CPD: variants seen among roughly 807,000 people sequenced by gnomAD.
CPD encodes the protein metallocarboxypeptidase D.
A neutral mutation model predicts 138.3 loss-of-function variants in CPD; 69 were observed. That is an observed-to-expected ratio of 0.50 (90% CI 0.41 to 0.61). CPD has a LOEUF of 0.61. Ranked by LOEUF, CPD falls within the 20% of genes least tolerant of loss-of-function variation. CPD has a pLI of 0.00. For missense variants in CPD, 1,432 were observed against 1,733.3 expected, an observed-to-expected ratio of 0.83 and a Z score of 3.09; for synonymous variants, 651 against 642.1, an observed-to-expected ratio of 1.01 and a Z score of -0.21.
At chr17:30,413,307 AT>A (rs1912016595) in intron 2 of CPD, among the ~76,000 whole-genome samples, 1 of 152,232 alleles carries the variant, frequency 6.6e-6, no homozygotes, top group African/African-American at 2.4e-5. Flanking sequence ...TAATATCATA[AT>A]GACTAAATAT....
At chr17:30,438,928 A>G in intron 8 of CPD, 47 bp from the exon 9 acceptor site, 1 of 1,125,872 alleles carries the variant, frequency 8.9e-7, no homozygotes, top group Non-Finnish European at 1.3e-6. Context: ...TTTTTTTTTG[A>G]TGGAGATACA....
chr17:30,399,307 T>C (rs1911590064), intron 2 of CPD, among the ~76,000 whole-genome samples: 1 of 152,110 alleles, frequency 6.6e-6, no homozygotes, highest in Non-Finnish European at 1.5e-5. Flanking sequence ...GGGTGGGGTA[T>C]AGTATAAATA....
intron 2 of CPD, among the ~76,000 whole-genome samples, chr17:30,406,359 T>C (rs183754195): frequency 3.4e-4 from 52 of 152,276 alleles, no homozygotes; most frequent in Middle Eastern, 6.8e-3. Flanking sequence ...ATATTTATAT[T>C]ATATGCTCTG....
At chr17:30,423,436 G>A in intron 5 of CPD, 70 bp from the exon 6 acceptor site, 1 of 1,185,020 alleles carries the variant, frequency 8.4e-7, no homozygotes, top group South Asian at 1.9e-5. Flanking sequence ...TATATATGTT[G>A]CGGAAAAAAA....
chr17:30,396,757 C>A (rs1422043167), intron 2 of CPD, among the ~76,000 whole-genome samples: 3 of 152,144 alleles, frequency 2.0e-5, no homozygotes, highest in Admixed American at 2.0e-4. Flanking sequence ...CACTTTGAGT[C>A]TTGTTCTTTG....
rs889401879 is a variant in CPD at position 30,469,670 on chromosome 17, A to G, written c.*4856A>G. 2 of 152,220 alleles carry G rather than the reference A, an allele frequency of 1.3e-5. No individual in the cohort carries two copies. Among genetic ancestry groups the G allele is most frequent in the Non-Finnish European group, 2.9e-5 (2 of 68,044 alleles). 9.4% of individuals were successfully genotyped at this position (152,220 alleles called of 1,614,324 possible). On this transcript the variant is annotated 3_prime_UTR_variant, in exon 21 of 21. Transcript: ENST00000225719. ...AAGAAATTTTTTATTATGTGGTTCAATAGATTGTCTAAAGCATGGCAGTAA... is the reference window on the plus strand; with the variant it reads ...AAGAAATTTTTTATTATGTGGTTCAGTAGATTGTCTAAAGCATGGCAGTAA...
In CPD at chr17:30,469,753, T is replaced by C. The variant is rs1913736254; in HGVS notation, c.*4939T>C. ...TTTTTAAATGAAATTAAGTTGTATT[T>C]ATGCTTCTTTAGTGAAAACAACGTT... On this transcript the variant is annotated 3_prime_UTR_variant, in exon 21 of 21. Coordinates refer to ENST00000225719, the MANE Select transcript of CPD (RefSeq NM_001304.5). 6.6e-6 allele frequency: 1 copy of C among 152,240 alleles called. No individual in the cohort carries two copies. Among genetic ancestry groups the C allele is most frequent in the African/African-American group, 2.4e-5 (1 of 41,472 alleles). 9.4% of individuals were successfully genotyped at this position (152,240 alleles called of 1,614,324 possible). A position where few individuals can be genotyped will look rare whatever the true frequency, so the allele number is the denominator to read the frequency against.
chr17:30,389,893 T>G (rs994454768), intron 2 of CPD, among the ~76,000 whole-genome samples: 41 of 152,356 alleles, frequency 2.7e-4, no homozygotes, highest in African/African-American at 9.4e-4. Flanking sequence ...ATTGAGCAGT[T>G]TCCCCTTGAA....
At chr17:30,452,159 A>T (rs2143490379) in intron 14 of CPD, among the ~76,000 whole-genome samples, 1 of 152,322 alleles carries the variant, frequency 6.6e-6, no homozygotes, top group East Asian at 1.9e-4. Context: ...CGCACAACAC[A>T]CACGTATGTA....
chr17:30,464,465 T>C (rs1913577963), intron 20 of CPD, 123 bp from the exon 21 acceptor site: 1 of 721,906 alleles, frequency 1.4e-6, no homozygotes, highest in African/African-American at 1.8e-5. Context: ...AAGGTTGTTC[T>C]TAAGTGCATG....
At position 30,456,453 on chromosome 17, in the gene CPD, C is replaced by T. The variant is rs1373276821; in HGVS notation, c.3434-9C>T. The T allele has an allele frequency of 7.4e-6, 12 of 1,613,876 alleles. No homozygotes were observed. Among genetic ancestry groups the T allele is most frequent in the Non-Finnish European group, 1.0e-5 (12 of 1,179,910 alleles). ...CTTCCTGATTCCACATCTCTTAATG[C>T]TTTTATAGATGAGAATATTCCAGGA... On this transcript the variant is annotated splice_polypyrimidine_tract_variant and intron_variant, in intron 16 of 20. Coordinates refer to ENST00000225719, the MANE Select transcript of CPD (RefSeq NM_001304.5).
chr17:30,426,909 G>C (rs1007056928), intron 6 of CPD, among the ~76,000 whole-genome samples: 4 of 152,122 alleles, frequency 2.6e-5, no homozygotes, highest in African/African-American at 9.7e-5. Context: ...GGCTGGGCGT[G>C]GTGGCTCACT....
intron 20 of CPD, among the ~76,000 whole-genome samples, chr17:30,464,093 A>G (rs1913564966): frequency 6.6e-6 from 1 of 152,150 alleles, no homozygotes; most frequent in Admixed American, 6.5e-5. Context: ...GTGCATATGC[A>G]TAAAGAAAGA....
intron 2 of CPD, among the ~76,000 whole-genome samples, chr17:30,411,331 G>A (rs1334251761): frequency 6.6e-6 from 1 of 152,080 alleles, no homozygotes; most frequent in Non-Finnish European, 1.5e-5. Context: ...TGACAATTAT[G>A]TGTCTTGGAG....
chr17:30,389,933 AG>A (rs1356377917), intron 2 of CPD, among the ~76,000 whole-genome samples: 2 of 152,210 alleles, frequency 1.3e-5, no homozygotes, highest in East Asian at 3.8e-4. Flanking sequence ...TAGTTTCAAC[AG>A]GGTGAATTCA....
intron 2 of CPD, 132 bp from the exon 3 acceptor site, chr17:30,420,709 C>T (rs1202773224): frequency 1.3e-6 from 1 of 743,260 alleles, no homozygotes; most frequent in African/African-American, 1.8e-5. Context: ...GATGCCTTCT[C>T]CAATTTCAAA....
In CPD at chr17:30,392,309, C is replaced by T. The variant is rs180996161; in HGVS notation, c.994+7073C>T. Among the ~76,000 whole-genome samples, 17 of 152,190 alleles carry T rather than the reference C, an allele frequency of 1.1e-4. No individual in the cohort carries two copies. The East Asian group carries it at 3.3e-3, about 29-fold the overall frequency. On this transcript the variant is annotated intron_variant, in intron 2 of 20. Coordinates refer to ENST00000225719, the MANE Select transcript of CPD (RefSeq NM_001304.5). Reference sequence around the variant, plus strand: ...ACAGGCATGAGCCACTGCGCCCGGCCTAAAATCTTAGATCTTTAGTTAATC... The same window carrying T: ...ACAGGCATGAGCCACTGCGCCCGGCTTAAAATCTTAGATCTTTAGTTAATC...
At chr17:30,444,836 A>T (rs1912984734) in intron 11 of CPD, among the ~76,000 whole-genome samples, 1 of 152,102 alleles carries the variant, frequency 6.6e-6, no homozygotes. Context: ...CCATTGAAGT[A>T]AGGGTAAAAT....
At chr17:30,401,564 A>G (rs1597711760) in intron 2 of CPD, among the ~76,000 whole-genome samples, 1 of 151,674 alleles carries the variant, frequency 6.6e-6, no homozygotes, top group Non-Finnish European at 1.5e-5. Flanking sequence ...GCTCACTGCA[A>G]CCTCTGCCTC....
Sources: gnomAD v4.1 joint callset for allele counts (sites outside exome capture counted in the v4.1 genomes callset) on GRCh38, gnomAD v4.1.1 for gene constraint, MANE v1.5 for transcripts, NCBI Gene and HGNC (gene_info 2026-07-23, HGNC 2026-07-21) for gene names.